The following RGS12 variants were observed in gnomAD, a reference collection of about 807,000 sequenced individuals.
RGS12 encodes the protein regulator of G-protein signaling 12.
Under a neutral mutation model 120.1 loss-of-function variants are expected in RGS12, and 66 were observed. The ratio of observed to expected loss-of-function variants is 0.55; its 90% confidence interval spans 0.45 to 0.67. The LOEUF (loss-of-function observed/expected upper bound fraction) is 0.67, where lower values mean the gene tolerates loss of function less well. Ranked by LOEUF, RGS12 falls within the 30% of genes least tolerant of loss-of-function variation. The pLI is 0.00. For missense variants in RGS12, 1,859 were observed against 1,957.7 expected (o/e 0.95, Z 0.95); for synonymous variants, 827 against 804.7 (o/e 1.03, Z -0.47).
chr4:3,291,858 C>A (rs1437986659), upstream of RGS12, among the ~76,000 whole-genome samples: 1 of 152,208 alleles, frequency 6.6e-6, no homozygotes, highest in Non-Finnish European at 1.5e-5. Context: ...TCCCGGACCG[C>A]GCCTCTGCCA....
chr4:3,332,513 A>G (rs1711974694), intron 2 of RGS12, among the ~76,000 whole-genome samples: 1 of 152,230 alleles, frequency 6.6e-6, no homozygotes, highest in Non-Finnish European at 1.5e-5. Context: ...GTCTCCAGGT[A>G]GGCTTGCCAG....
chr4:3,394,701 A>G (rs1459777440), intron 4 of RGS12, among the ~76,000 whole-genome samples: 1 of 152,220 alleles, frequency 6.6e-6, no homozygotes, highest in South Asian at 2.1e-4. Flanking sequence ...AGGTACATAC[A>G]TGATCAATAA....
chr4:3,408,130 C>T (rs1028813302), intron 4 of RGS12, among the ~76,000 whole-genome samples: 1 of 152,198 alleles, frequency 6.6e-6, no homozygotes, highest in Non-Finnish European at 1.5e-5. Flanking sequence ...TCAGGCAAGC[C>T]ACTGCAAGCA....
intron 8 of RGS12, 118 bp downstream of exon 8, chr4:3,417,210 C>T: frequency 1.5e-6 from 2 of 1,337,650 alleles, no homozygotes; most frequent in Non-Finnish European, 2.0e-6. Context: ...GGGTGACGCT[C>T]CATGCTGGAA....
intron 3 of RGS12, among the ~76,000 whole-genome samples, chr4:3,383,325 G>A (rs1718461775): frequency 6.6e-6 from 1 of 152,060 alleles, no homozygotes; most frequent in South Asian, 2.1e-4. Flanking sequence ...AGCATGTTTG[G>A]GTGGGGCATG....
chr4:3,315,973 T>G, intron 1 of RGS12, 97 bp from the exon 2 acceptor site: 1 of 480,534 alleles, frequency 2.1e-6, no homozygotes, highest in Admixed American at 3.8e-5. Context: ...CTGTGGTGGT[T>G]TTTATTATGA....
At chr4:3,336,453 T>C (rs1461489616) in intron 2 of RGS12, among the ~76,000 whole-genome samples, 1 of 152,274 alleles carries the variant, frequency 6.6e-6, no homozygotes, top group Admixed American at 6.5e-5. Flanking sequence ...CGTAAGTCTC[T>C]ATATTGCCTC....
chr4:3,350,562 G>A (rs1186575758), intron 3 of RGS12, among the ~76,000 whole-genome samples: 7 of 152,084 alleles, frequency 4.6e-5, no homozygotes. Context: ...CACACCTGTA[G>A]TCCCAGCTAC....
At chr4:3,392,880 C>T (rs532214543) in intron 4 of RGS12, among the ~76,000 whole-genome samples, 2 of 152,128 alleles carry the variant, frequency 1.3e-5, no homozygotes, top group African/African-American at 2.4e-5. Context: ...CCCAGCTACT[C>T]GGGAGGCTGA....
At chr4:3,293,688 G>A (rs1477238003) in intron 1 of RGS12, among the ~76,000 whole-genome samples, 2 of 151,884 alleles carry the variant, frequency 1.3e-5, no homozygotes, top group East Asian at 3.9e-4. Flanking sequence ...TGGGGACAGA[G>A]AGGGGACCCA....
At chr4:3,293,150 CTCTT>C (rs1052813056) in intron 1 of RGS12, 51 bp downstream of exon 1, 1 of 145,916 alleles carries the variant, frequency 6.9e-6, no homozygotes, top group Non-Finnish European at 1.5e-5. Context: ...GCCGCCTCCG[CTCTT>C]TCTTTCGTCT....
intron 3 of RGS12, among the ~76,000 whole-genome samples, chr4:3,344,597 T>C (rs1713617436): frequency 6.6e-6 from 1 of 152,236 alleles, no homozygotes; most frequent in Non-Finnish European, 1.5e-5. Context: ...AACCTGCCCC[T>C]TCCCTGCTGG....
At chr4:3,432,409 C>T (rs1028574710) in intron 17 of RGS12, among the ~76,000 whole-genome samples, 11 of 152,204 alleles carry the variant, frequency 7.2e-5, no homozygotes, top group East Asian at 1.9e-4. Flanking sequence ...GGCCCGGTGG[C>T]GGGTGCTGAG....
rs114712137 is a variant in RGS12, at chr4:3,439,809, G to A, written c.*125G>A. ...TCAGGAGCCCAGCCAGGAGGGCAGG[G>A]GGTGACCTCGCTGGAGGCACTGGCC... On this transcript the variant is annotated 3_prime_UTR_variant, in exon 18 of 18. Coordinates refer to ENST00000336727, the MANE Select transcript of RGS12 (RefSeq NM_001394154.1). The A allele has an allele frequency of 1.6e-3, 1,508 of 928,612 alleles. 6 individuals carry two copies. Among genetic ancestry groups the A allele is most frequent in the Middle Eastern group, 0.015 (45 of 2,940 alleles). 57.5% of individuals were successfully genotyped at this position (928,612 alleles called of 1,614,324 possible). A position where few individuals can be genotyped will look rare whatever the true frequency, so the allele number is the denominator to read the frequency against.
intron 3 of RGS12, among the ~76,000 whole-genome samples, chr4:3,380,529 C>T (rs558951635): frequency 6.6e-6 from 1 of 152,342 alleles, no homozygotes. Flanking sequence ...GGCCCCACCC[C>T]TGCAGCTAAC....
At chr4:3,377,395 A>G (rs1300322856) in intron 3 of RGS12, among the ~76,000 whole-genome samples, 16 of 152,132 alleles carry the variant, frequency 1.1e-4, no homozygotes, top group Admixed American at 1.0e-3. Flanking sequence ...TAATTCATTT[A>G]TTTATATTTC....
chr4:3,400,671 TATTAGA>T (rs1204579467), intron 4 of RGS12, among the ~76,000 whole-genome samples: 1 of 148,584 alleles, frequency 6.7e-6, no homozygotes. Flanking sequence ...CTAGTATTAC[TATTAGA>T]ATTAGTATTA....
chr4:3,292,511 G>A (rs977667946), upstream of RGS12, among the ~76,000 whole-genome samples: 2 of 152,200 alleles, frequency 1.3e-5, no homozygotes, highest in Admixed American at 6.5e-5. Context: ...CGAAAAGCCA[G>A]GGCGCCGGGG....
At chr4:3,289,068 C>G (rs1453856314), upstream of RGS12, among the ~76,000 whole-genome samples, 1 of 152,222 alleles carries the variant, frequency 6.6e-6, no homozygotes, top group African/African-American at 2.4e-5. Flanking sequence ...TCCCACCTCC[C>G]CCTATCAGCC....
Sources: gnomAD v4.1 joint callset for allele counts (sites outside exome capture counted in the v4.1 genomes callset) on GRCh38, gnomAD v4.1.1 for gene constraint, MANE v1.5 for transcripts, NCBI Gene and HGNC (gene_info 2026-07-23, HGNC 2026-07-21) for gene names.